The following PRSS12 variants were observed in gnomAD, a reference collection of about 807,000 sequenced individuals.
The protein encoded by PRSS12 is serine protease 12, also known as neurotrypsin.
PRSS12 carries 85 observed loss-of-function variants against 104.4 expected under a neutral mutation model. That is an observed-to-expected ratio of 0.81 (90% CI 0.68 to 0.98). The LOEUF (loss-of-function observed/expected upper bound fraction) is 0.98, where lower values mean the gene tolerates loss of function less well. Ranked by LOEUF, PRSS12 falls within the 50% of genes least tolerant of loss-of-function variation. PRSS12 has a pLI of 0.00. For missense variants in PRSS12, 1,141 were observed against 1,139.2 expected (o/e 1.00, Z -0.02); for synonymous variants, 454 against 425.2 (o/e 1.07, Z -0.83).
intron 4 of PRSS12, among the ~76,000 whole-genome samples, chr4:118,329,029 T>G (rs1392847650): frequency 6.6e-6 from 1 of 152,136 alleles, no homozygotes. Context: ...CCTGACCTCG[T>G]GATCCACCCA....
At chr4:118,347,117 A>G (rs1331989963) in intron 1 of PRSS12, among the ~76,000 whole-genome samples, 2 of 152,196 alleles carry the variant, frequency 1.3e-5, no homozygotes, top group African/African-American at 4.8e-5. Context: ...GAAATCAGAT[A>G]ATGCCCCCAA....
chr4:118,309,452 G>T (rs1038061497), intron 7 of PRSS12, among the ~76,000 whole-genome samples: 2 of 133,818 alleles, frequency 1.5e-5, no homozygotes, highest in Non-Finnish European at 3.3e-5. Context: ...CCATATACAA[G>T]CTAAGGAGAG....
At chr4:118,334,712 C>G (rs1724018751) in intron 3 of PRSS12, among the ~76,000 whole-genome samples, 1 of 152,144 alleles carries the variant, frequency 6.6e-6, no homozygotes, top group Non-Finnish European at 1.5e-5. Flanking sequence ...TGTACTCAAA[C>G]AAAAACCACT....
chr4:118,290,803 G>T (rs1743109977), intron 11 of PRSS12, among the ~76,000 whole-genome samples: 1 of 151,660 alleles, frequency 6.6e-6, no homozygotes, highest in South Asian at 2.1e-4. Context: ...ATTGTACCAG[G>T]CTCTACTGAT....
chr4:118,282,734 C>G (rs1184142666), intron 12 of PRSS12, 97 bp downstream of exon 12: 1 of 1,542,232 alleles, frequency 6.5e-7, no homozygotes, highest in Non-Finnish European at 8.9e-7. Context: ...CCAAATAAGT[C>G]TGAATCCATT....
In PRSS12 at chr4:118,299,712, T is replaced by TAAATTAAATA. The variant is rs1560768174; in HGVS notation, c.1632-775_1632-774insTATTTAATTT. On this transcript the variant is annotated intron_variant, in intron 8 of 12. Coordinates refer to ENST00000296498, the MANE Select transcript of PRSS12 (RefSeq NM_003619.4). The stretch of plus-strand genomic sequence containing the variant: ...AATAAAATAAATAAAATAAATAAAA[T>TAAATTAAATA]AAATAAAATAAAATAAAATAAAATA... Among the ~76,000 whole-genome samples the TAAATTAAATA allele has an allele frequency of 4.8e-3, 305 of 63,732 alleles. 3 individuals carry two copies. The highest frequency in any genetic ancestry group is 8.4e-3 in the Non-Finnish European group (257 of 30,682). The allele number at this position is 63,732 out of a possible 152,430, so 41.8% of individuals were successfully genotyped here.
In PRSS12 at chr4:118,322,702, A is replaced by C. The variant is rs1328374904; in HGVS notation, c.972-4146T>G. Among the ~76,000 whole-genome samples the C allele has an allele frequency of 5.9e-5, 9 of 152,126 alleles. No homozygotes were observed. In the East Asian group the frequency reaches 1.5e-3, roughly 26 times the overall value. On this transcript the variant is annotated intron_variant, in intron 4 of 12. Transcript: ENST00000296498. ...TGTATTATTTGTAATATGTTTATGA[A>C]AATACTAATATTGGTTGAAAGAAGA... is the stretch of plus-strand genomic sequence containing the variant.
rs781191318 is a variant in PRSS12, at chr4:118,318,361, T to C, written c.1150+17A>G. 6 of 1,613,212 alleles carry C rather than the reference T, an allele frequency of 3.7e-6. No homozygotes were observed. In the African/African-American group the frequency reaches 4.0e-5, roughly 11 times the overall value. ...CTGGGGGCAAGAACTGGTACACTAA[T>C]GGAGTGAAATCCTTACCTGTTAGAG... On this transcript the variant is annotated intron_variant, in intron 5 of 12. Transcript: ENST00000296498.
intron 8 of PRSS12, among the ~76,000 whole-genome samples, chr4:118,303,012 A>G (rs185467400): frequency 6.6e-6 from 1 of 152,204 alleles, no homozygotes; most frequent in Non-Finnish European, 1.5e-5. Context: ...CAGAAGTTTC[A>G]GAGGTGAGAA....
intron 3 of PRSS12, 88 bp from the exon 4 acceptor site, chr4:118,331,954 T>C: frequency 1.3e-6 from 2 of 1,513,374 alleles, no homozygotes; most frequent in Non-Finnish European, 1.8e-6. Context: ...TTTGCCATTC[T>C]CAATAATTAA....
At chr4:118,343,460 C>T (rs549535183) in intron 1 of PRSS12, among the ~76,000 whole-genome samples, 38 of 152,156 alleles carry the variant, frequency 2.5e-4, no homozygotes, top group African/African-American at 8.7e-4. Flanking sequence ...GTGAAGGAAA[C>T]CTAAAAGAAA....
At chr4:118,306,746 G>A (rs1743564431) in intron 8 of PRSS12, among the ~76,000 whole-genome samples, 2 of 152,094 alleles carry the variant, frequency 1.3e-5, no homozygotes, top group Admixed American at 6.6e-5. Flanking sequence ...TATCAATGAT[G>A]ATAAATAAAA....
intron 1 of PRSS12, among the ~76,000 whole-genome samples, chr4:118,346,106 T>C (rs1724347246): frequency 6.6e-6 from 1 of 152,216 alleles, no homozygotes; most frequent in Non-Finnish European, 1.5e-5. Context: ...CAGATTGTTC[T>C]ATCTCTAAGT....
At chr4:118,296,492 T>G (rs1312923817) in intron 9 of PRSS12, among the ~76,000 whole-genome samples, 1 of 152,152 alleles carries the variant, frequency 6.6e-6, no homozygotes, top group Non-Finnish European at 1.5e-5. Flanking sequence ...AAAAAGGTGG[T>G]ATATGAAAGA....
chr4:118,312,874 T>C (rs1312874090), intron 7 of PRSS12: 3 of 322,682 alleles, frequency 9.3e-6, no homozygotes, highest in Non-Finnish European at 1.2e-5. Context: ...TAAATGAAAA[T>C]CAGAATAAGT....
intron 8 of PRSS12, among the ~76,000 whole-genome samples, chr4:118,304,187 T>TA (rs1258393352): frequency 1.3e-5 from 2 of 151,826 alleles, no homozygotes; most frequent in African/African-American, 4.8e-5. Context: ...TATGTGTGCA[T>TA]ATATGTGTGT....
intron 1 of PRSS12, among the ~76,000 whole-genome samples, chr4:118,344,074 A>G (rs1724288681): frequency 6.6e-6 from 1 of 152,210 alleles, no homozygotes; most frequent in Non-Finnish European, 1.5e-5. Context: ...TACTGGCAAC[A>G]TCCAGCTAGT....
intron 7 of PRSS12, 169 bp downstream of exon 7, chr4:118,313,032 A>T (rs1743790656): frequency 1.3e-6 from 1 of 746,900 alleles, no homozygotes. Context: ...TGGCGCACAG[A>T]CTCAAAAGAT....
chr4:118,308,289 T>A, intron 8 of PRSS12, 147 bp downstream of exon 8: 1 of 1,106,766 alleles, frequency 9.0e-7, no homozygotes, highest in Non-Finnish European at 1.3e-6. Context: ...TACTTCTTTA[T>A]AATTCTGGAT....
Sources: gnomAD v4.1 joint callset for allele counts (sites outside exome capture counted in the v4.1 genomes callset) on GRCh38, gnomAD v4.1.1 for gene constraint, MANE v1.5 for transcripts, NCBI Gene and HGNC (gene_info 2026-07-23, HGNC 2026-07-21) for gene names.